ARHGAP9: variants seen among roughly 807,000 people sequenced by gnomAD.
The protein encoded by ARHGAP9 is Rho GTPase activating protein 9, also known as rho GTPase-activating protein 9.
ARHGAP9 carries 76 observed loss-of-function variants against 87.3 expected under a neutral mutation model. The ratio of observed to expected loss-of-function variants is 0.87; its 90% CI spans 0.72 to 1.05. The LOEUF (loss-of-function observed/expected upper bound fraction) is 1.05, where lower values mean the gene tolerates loss of function less well. Ranked by LOEUF, ARHGAP9 falls within the 50% of genes least tolerant of loss-of-function variation. The pLI is 0.00. For synonymous variants in ARHGAP9, 382 were observed against 394.9 expected (o/e 0.97, Z 0.39); for missense variants, 941 against 960.5 (o/e 0.98, Z 0.27).
Position 57,472,539 on chromosome 12 carries a change from T to C in ARHGAP9, c.2174A>G (p.Asn725Ser), listed in dbSNP as rs754078315. Residue 725 changes from asparagine (N) to serine (S), a missense_variant, in exon 18 of 18, where the codon AAC becomes AGC. Transcript: ENST00000393791. ...PGQLVQLMLT[N>S]FTSLFP The stretch of plus-strand genomic sequence containing the variant: ...GCATCAGGGGAAGAGGCTGGTGAAG[T>C]TGGTGAGCATCAGCTGGACCAGCTG... 4.3e-6 allele frequency: 7 copies of C among 1,614,066 alleles called. No individual in the cohort carries two copies. In the East Asian group the frequency reaches 1.3e-4, roughly 31 times the overall value.
In ARHGAP9 at chr12:57,473,974, C is replaced by A. The variant is rs148815869; in HGVS notation, c.1918+68G>T. 5.6e-5 allele frequency: 85 copies of A among 1,527,790 alleles called. No individual in the cohort carries two copies. The African/African-American group carries it at 1.1e-3, about 19-fold the overall frequency. 94.6% of individuals were successfully genotyped at this position (1,527,790 alleles called of 1,614,324 possible). ...AATGGGAAAGAAGAGTATAAGGGAA[C>A]CTCTATTCTATTATTTACCACCCGT... On this transcript the variant is annotated intron_variant, in intron 16 of 17. Transcript: ENST00000393791.
chr12:57,473,907 T>C (rs1872676155), intron 16 of ARHGAP9, 135 bp downstream of exon 16: 8 of 1,379,430 alleles, frequency 5.8e-6, no homozygotes, highest in Non-Finnish European at 6.8e-6. Flanking sequence ...GCAACTGGAG[T>C]AGGCACCTGA....
upstream of ARHGAP9, chr12:57,480,250 C>T (rs1802691453): frequency 1.3e-5 from 6 of 458,906 alleles, no homozygotes; most frequent in Non-Finnish European, 1.4e-5. Flanking sequence ...GGCGAGATCT[C>T]GGGTCACTGC....
chr12:57,476,861 GGAGA>G lies in ARHGAP9; in HGVS notation c.963+6_963+9del. 6.2e-7 allele frequency: 1 copy of G among 1,612,640 alleles called. No homozygotes were observed. The highest frequency in any genetic ancestry group is 8.5e-7 in the Non-Finnish European group (1 of 1,178,876). ...GGATCTTGGCCTTCACAAAGAAATG[GGAGA>G]TTCACATGGGGGTCGTCCAGGAGCT... On this transcript the variant is annotated splice_donor_region_variant and intron_variant, in intron 6 of 17. Transcript: ENST00000393791.
intron 17 of ARHGAP9, 141 bp from the exon 18 acceptor site, chr12:57,472,829 C>G: frequency 1.2e-6 from 1 of 857,604 alleles, no homozygotes; most frequent in African/African-American, 1.7e-5. Flanking sequence ...CAAGGAGATA[C>G]AAGGAGAATG....
At chr12:57,474,844 A>G (rs1166785217) in intron 13 of ARHGAP9, 31 bp downstream of exon 13, 1 of 1,613,410 alleles carries the variant, frequency 6.2e-7, no homozygotes, top group Admixed American at 1.7e-5. Context: ...AGCCTGTTGG[A>G]AGAGGATTCT....
Position 57,476,063 on chromosome 12 carries a change from G to T in ARHGAP9, c.1212+8C>A. 1 of 1,522,148 alleles carries T rather than the reference G, an allele frequency of 6.6e-7. No individual in the cohort carries two copies. The highest frequency in any genetic ancestry group is 8.8e-7 in the Non-Finnish European group (1 of 1,135,256). 94.3% of individuals were successfully genotyped at this position (1,522,148 alleles called of 1,614,324 possible). A position where few individuals can be genotyped will look rare whatever the true frequency, so the allele number is the denominator to read the frequency against. On this transcript the variant is annotated splice_region_variant and intron_variant, in intron 9 of 17. Transcript: ENST00000393791. ...TGGGGCCTTGGGGACGCGCGGGAGG[G>T]CGCTCACGTGCAGGACGTTGCGGCG...
chr12:57,473,700 C>T lies in ARHGAP9; in HGVS notation c.1927G>A (p.Glu643Lys), dbSNP rs1201270124. 3.2e-5 allele frequency: 51 copies of T among 1,613,612 alleles called. No individual in the cohort carries two copies. Among genetic ancestry groups the T allele is most frequent in the African/African-American group, 6.7e-5 (5 of 74,886 alleles). Residue 643 changes from glutamate to lysine, a missense_variant, in exon 17 of 18, where the codon GAA becomes AAA. Coordinates refer to ENST00000393791, the MANE Select transcript of ARHGAP9 (RefSeq NM_032496.4). ...PHFRAALALS[E>K]SEQCLSQIQE... Reference sequence around the variant, plus strand: ...ATCTGAGAGAGGCACTGCTCTGATTCGGAGAGTGCTAGAGAGAGTGATGGG... The same window carrying T: ...ATCTGAGAGAGGCACTGCTCTGATTTGGAGAGTGCTAGAGAGAGTGATGGG...
At position 57,477,606 on chromosome 12, in the gene ARHGAP9, G is replaced by T. The variant is rs770941236; in HGVS notation, c.609C>A (p.Ser203=). The change falls in exon 4 of 18, where the codon TCC becomes TCA. Residue 203 remains serine, a synonymous_variant. Transcript: ENST00000393791. ...NLVDLRRCPR[S]PPPGPACPLL... ...GGGGGCATGCAGGGCCTGGGGGTGG[G>T]GACCGAGGACAGCGGCGAAGGTCCA... The T allele has an allele frequency of 1.2e-6, 2 of 1,613,278 alleles. No individual in the cohort carries two copies. Among genetic ancestry groups the T allele is most frequent in the East Asian group, 2.2e-5 (1 of 44,868 alleles).
At position 57,488,311 on chromosome 12, in the gene ARHGAP9, A is replaced by G. The variant is rs508904; in HGVS notation, c.-204+301T>C. On this transcript the variant is annotated intron_variant, in intron 1 of 20. Coordinates refer to the ARHGAP9 transcript ENST00000393797. ...TAGCCCTCGCCACACACCCCAATCG[A>G]CCACTTCTCCTATTATCCTTGATCA... 136,097 of 970,654 alleles carry G rather than the reference A, an allele frequency of 0.14. 10,389 individuals are homozygous for G. Among genetic ancestry groups the G allele is most frequent in the East Asian group, 0.22 (8,686 of 40,030 alleles). 60.1% of individuals were successfully genotyped at this position (970,654 alleles called of 1,614,324 possible).
intron 8 of ARHGAP9, 38 bp from the exon 9 acceptor site, chr12:57,476,204 T>A: frequency 6.6e-7 from 1 of 1,516,188 alleles, no homozygotes; most frequent in Non-Finnish European, 8.9e-7. Flanking sequence ...ACGGTGTTGT[T>A]TCCTTCACTG....
At chr12:57,484,738 A>T (rs1467939982), upstream of ARHGAP9, among the ~76,000 whole-genome samples, 1 of 151,150 alleles carries the variant, frequency 6.6e-6, no homozygotes, top group East Asian at 2.0e-4. Flanking sequence ...TCTGCCTCCC[A>T]AGTTCAAGCA....
In ARHGAP9 at chr12:57,472,500, C is replaced by G; in HGVS notation, c.*17G>C. 6.2e-7 allele frequency: 1 copy of G among 1,612,940 alleles called. No homozygotes were observed. Among genetic ancestry groups the G allele is most frequent in the East Asian group, 2.2e-5 (1 of 44,864 alleles). On this transcript the variant is annotated 3_prime_UTR_variant, in exon 18 of 18. Transcript: ENST00000393791. ...AGAGATGACCGGAAATATGTTTTCT[C>G]TTCTTCCTTCCCTGCATCAGGGGAA...
In ARHGAP9 at chr12:57,486,490, A is replaced by G. The variant is rs530718172; in HGVS notation, c.-204+2122T>C. ...TCACCACGTTGGCCAGGCTGGTCCC[A>G]AACTCCTGACCTCAAGTCATCTGCT... On this transcript the variant is annotated intron_variant, in intron 1 of 20. Coordinates refer to the ARHGAP9 transcript ENST00000393797. Among the ~76,000 whole-genome samples, 6 of 151,828 alleles carry G rather than the reference A, an allele frequency of 4.0e-5. No individual in the cohort carries two copies. In the East Asian group the frequency reaches 1.2e-3, roughly 30 times the overall value.
chr12:57,482,868 C>T (rs1249609217), upstream of ARHGAP9, among the ~76,000 whole-genome samples: 1 of 150,664 alleles, frequency 6.6e-6, no homozygotes, highest in Non-Finnish European at 1.5e-5. Context: ...GAGGCTGAGG[C>T]AGGCAGATCA....
Position 57,475,873 on chromosome 12 carries a change from C to T in ARHGAP9, c.1271G>A (p.Arg424Gln), listed in dbSNP as rs1873449981. 5 of 1,613,946 alleles carry T rather than the reference C, an allele frequency of 3.1e-6. No homozygotes were observed. The East Asian group carries it at 1.1e-4, about 36-fold the overall frequency. Residue 424 changes from arginine (R) to glutamine (Q), a missense_variant, in exon 10 of 18, where the codon CGA becomes CAA. Physicochemically the swap from Arg to Gln is conservative, Grantham distance 43 (BLOSUM62 1). Transcript: ENST00000393791. ...AGTCCGCAGCGCGCGGTGCCAGGCT[C>T]GCAGCTCTGTCTCGTGGTCCGACTG... ...LLQSDHETELRAWHRALRTVI... is the reference protein window; with the variant it reads ...LLQSDHETELQAWHRALRTVI...
At chr12:57,474,762 AT>A in intron 13 of ARHGAP9, 59 bp from the exon 14 acceptor site, 1 of 1,608,780 alleles carries the variant, frequency 6.2e-7, no homozygotes, top group South Asian at 1.1e-5. Context: ...GTGGTGAGGG[AT>A]ATAAGGGTGG....
In ARHGAP9 at chr12:57,472,585, C is replaced by CTGCTGGGTCAGA; in HGVS notation, c.2116_2127dup (p.Ser706_Ala709dup). 6.2e-7 allele frequency: 1 copy of CTGCTGGGTCAGA among 1,614,224 alleles called. No individual in the cohort carries two copies. The highest frequency in any genetic ancestry group is 8.5e-7 in the Non-Finnish European group (1 of 1,180,046). Reference sequence around the variant, plus strand: ...AGCTGCCCTGGGTAGAGAGCATGGGCTGCTGGGTCAGATGTCTCCTGCTCT... The same window carrying CTGCTGGGTCAGA: ...AGCTGCCCTGGGTAGAGAGCATGGGCTGCTGGGTCAGATGCTGGGTCAGATGTCTCCTGCTCT... On this transcript the variant is annotated inframe_insertion, in exon 18 of 18. Coordinates refer to ENST00000393791, the MANE Select transcript of ARHGAP9 (RefSeq NM_032496.4).
intron 1 of ARHGAP9, chr12:57,488,070 C>T: frequency 1.2e-6 from 2 of 1,608,278 alleles, no homozygotes; most frequent in Non-Finnish European, 1.7e-6. Context: ...CCGGTTGCAT[C>T]AGCGAGGGAT....
Sources: allele counts gnomAD v4.1 joint callset (sites outside exome capture counted in the v4.1 genomes callset), GRCh38; gene constraint gnomAD v4.1.1; transcripts MANE v1.5; gene names NCBI Gene and HGNC (gene_info 2026-07-23, HGNC 2026-07-21).